Variants in SGMS2 observed in about 807,000 individuals in gnomAD.
SGMS2 encodes the protein sphingomyelin synthase 2.
SGMS2 carries 21 observed loss-of-function variants against 43.8 expected under a neutral mutation model. The ratio of observed to expected loss-of-function variants is 0.48; its 90% CI spans 0.34 to 0.69. SGMS2 has a LOEUF of 0.69. Ranked by LOEUF, SGMS2 falls within the 30% of genes least tolerant of loss-of-function variation. The pLI, the probability that SGMS2 is intolerant of heterozygous loss-of-function variation, is 0.01. For missense variants in SGMS2, 384 were observed against 443.2 expected, an observed-to-expected ratio of 0.87 and a Z score of 1.20; for synonymous variants, 167 against 160.6, an observed-to-expected ratio of 1.04 and a Z score of -0.30.
intron 1 of SGMS2, among the ~76,000 whole-genome samples, chr4:107,836,044 A>G (rs1335585784): frequency 1.3e-5 from 2 of 152,238 alleles, no homozygotes; most frequent in Non-Finnish European, 2.9e-5. Context: ...TATTTAGCCT[A>G]GTATACCAAA....
At chr4:107,904,384 A>G (rs1369253916) in intron 5 of SGMS2, among the ~76,000 whole-genome samples, 1 of 152,092 alleles carries the variant, frequency 6.6e-6, no homozygotes, top group Non-Finnish European at 1.5e-5. Context: ...CCCTTTGTTC[A>G]TCCAAATAGA....
chr4:107,900,181 T>A (rs1360869772), intron 4 of SGMS2, among the ~76,000 whole-genome samples: 1 of 152,070 alleles, frequency 6.6e-6, no homozygotes, highest in African/African-American at 2.4e-5. Flanking sequence ...CTATTTGATA[T>A]AGAGGTCAGG....
intron 1 of SGMS2, among the ~76,000 whole-genome samples, chr4:107,854,281 G>C (rs1452533657): frequency 6.6e-6 from 1 of 152,126 alleles, no homozygotes; most frequent in Non-Finnish European, 1.5e-5. Flanking sequence ...TCTAGCTAAG[G>C]TTTGCACCGT....
intron 1 of SGMS2, among the ~76,000 whole-genome samples, chr4:107,858,010 A>ACCCCCCCC (rs111601025): frequency 8.0e-6 from 1 of 124,826 alleles, no homozygotes; most frequent in African/African-American, 2.9e-5. Flanking sequence ...TAGCTGCCCC[A>ACCCCCCCC]CCCCCCCCAT....
intron 1 of SGMS2, among the ~76,000 whole-genome samples, chr4:107,838,676 C>T (rs1010692310): frequency 6.6e-6 from 1 of 151,850 alleles, no homozygotes; most frequent in Non-Finnish European, 1.5e-5. Flanking sequence ...TATTGTATTT[C>T]TTCTAGACAG....
In SGMS2 at chr4:107,913,803, G is replaced by A. The variant is rs1732273084; in HGVS notation, c.*3250G>A. On this transcript the variant is annotated 3_prime_UTR_variant, in exon 7 of 7. Transcript: ENST00000690982. ...TTGTTTACTTTGAAACACCAAATTT[G>A]TTGTCTTGGTTTTTTTTACATGACA... 2 of 151,998 alleles carry A rather than the reference G, an allele frequency of 1.3e-5. No individual in the cohort carries two copies. Among genetic ancestry groups the A allele is most frequent in the Non-Finnish European group, 2.9e-5 (2 of 67,968 alleles). The allele number at this position is 151,998 out of a possible 1,614,324, so 9.4% of individuals were successfully genotyped here.
At chr4:107,903,148 G>A in intron 4 of SGMS2, 85 bp from the exon 5 acceptor site, 3 of 1,311,352 alleles carry the variant, frequency 2.3e-6, no homozygotes, top group East Asian at 4.6e-5. Context: ...ACAACCTGGT[G>A]TCCTTTCTAA....
intron 2 of SGMS2, among the ~76,000 whole-genome samples, chr4:107,894,791 C>A (rs769981979): frequency 5.3e-5 from 8 of 152,076 alleles, no homozygotes; most frequent in Non-Finnish European, 8.8e-5. Context: ...TTCTTAAAAG[C>A]GGTCACTTAA....
chr4:107,860,244 C>T (rs1727649767), intron 2 of SGMS2, among the ~76,000 whole-genome samples: 1 of 151,896 alleles, frequency 6.6e-6, no homozygotes, highest in Admixed American at 6.6e-5. Context: ...ACTTAATAAG[C>T]TAGTACTAAG....
At position 107,899,578 on chromosome 4, in the gene SGMS2, A is replaced by T; in HGVS notation, c.459A>T (p.Ser153=). 1 of 1,607,110 alleles carries T rather than the reference A, an allele frequency of 6.2e-7. No individual in the cohort carries two copies. Among genetic ancestry groups the T allele is most frequent in the Admixed American group, 1.7e-5 (1 of 58,548 alleles). The part of the protein sequence containing the change: ...ITQWLFLRYK[S]IVGRRFCFII... ...CCATCCCTATTTTTTCTTTTAGGTC[A>T]ATAGTGGGACGCAGATTCTGTTTTA... The change falls in exon 4 of 7, where the codon TCA becomes TCT. Residue 153 remains serine (S), a synonymous_variant. Transcript: ENST00000690982.
At chr4:107,897,008 G>T (rs1319171716) in intron 3 of SGMS2, among the ~76,000 whole-genome samples, 1 of 152,166 alleles carries the variant, frequency 6.6e-6, no homozygotes, top group Non-Finnish European at 1.5e-5. Context: ...AGTCAAATAG[G>T]ATTTCAGTAT....
intron 2 of SGMS2, among the ~76,000 whole-genome samples, chr4:107,885,983 A>C (rs1239044623): frequency 6.6e-6 from 1 of 152,208 alleles, no homozygotes; most frequent in Non-Finnish European, 1.5e-5. Context: ...ATAAAGCTAT[A>C]CTATATTCAT....
chr4:107,835,638 A>G (rs1052053182), intron 1 of SGMS2, among the ~76,000 whole-genome samples: 10 of 152,186 alleles, frequency 6.6e-5, no homozygotes, highest in Admixed American at 4.6e-4. Context: ...ATTCTTGGTT[A>G]ATAGTTTGCT....
upstream of SGMS2, chr4:107,824,598 C>G (rs1011143279): frequency 6.6e-5 from 10 of 152,354 alleles, no homozygotes; most frequent in African/African-American, 2.4e-4. Flanking sequence ...GAGGTCAGCT[C>G]CAGGCCCTCA....
At position 107,896,007 on chromosome 4, in the gene SGMS2, A is replaced by G. The variant is rs1280951848; in HGVS notation, c.454A>G (p.Lys152Glu). The G allele has an allele frequency of 6.2e-7, 1 of 1,605,902 alleles. No individual in the cohort carries two copies. The highest frequency in any genetic ancestry group is 2.2e-5 in the East Asian group (1 of 44,680). Residue 152 changes from lysine to glutamate, a missense_variant and splice_region_variant, in exon 3 of 7, where the codon AAG becomes GAG. Lys to Glu is a moderately conservative substitution (Grantham distance 56). Coordinates refer to ENST00000690982, the MANE Select transcript of SGMS2 (RefSeq NM_001375905.1). ...WITQWLFLRY[K>E]SIVGRRFCFI... Reference sequence around the variant, plus strand: ...CACCCAGTGGCTGTTTCTGAGATACAAGTAAGTAAATCTAATGTTTTGAGG... The same window carrying G: ...CACCCAGTGGCTGTTTCTGAGATACGAGTAAGTAAATCTAATGTTTTGAGG...
intron 1 of SGMS2, among the ~76,000 whole-genome samples, chr4:107,827,543 T>C (rs1035346776): frequency 1.3e-5 from 2 of 152,192 alleles, no homozygotes; most frequent in African/African-American, 4.8e-5. Flanking sequence ...TCGTAAATTC[T>C]TTATGAGGCC....
rs141609725 is a variant in SGMS2, at chr4:107,853,070, T to C, written c.-326-5402T>C. ...TATTTAATTTTTACTGTTATGATAT[T>C]ATATGACCTTCTTGTCATCGCTCAT... is the stretch of plus-strand genomic sequence containing the variant. On this transcript the variant is annotated intron_variant, in intron 1 of 6. Transcript: ENST00000690982. Among the ~76,000 whole-genome samples the C allele has an allele frequency of 4.4e-3, 664 of 152,350 alleles. 3 individuals are homozygous for C. The highest frequency in any genetic ancestry group is 7.5e-3 in the Non-Finnish European group (510 of 68,038).
At chr4:107,858,773 A>G (rs182519364) in intron 2 of SGMS2, among the ~76,000 whole-genome samples, 1 of 152,292 alleles carries the variant, frequency 6.6e-6, no homozygotes, top group East Asian at 1.9e-4. Flanking sequence ...AAGTTCTTTC[A>G]GGTGAATGGA....
At chr4:107,847,685 G>T (rs1726911710) in intron 1 of SGMS2, among the ~76,000 whole-genome samples, 1 of 152,078 alleles carries the variant, frequency 6.6e-6, no homozygotes, top group Non-Finnish European at 1.5e-5. Context: ...CACGTAATTG[G>T]AGTATTTCTT....
Sources: gnomAD v4.1 joint callset for allele counts (sites outside exome capture counted in the v4.1 genomes callset) on GRCh38, gnomAD v4.1.1 for gene constraint, MANE v1.5 for transcripts, NCBI Gene and HGNC (gene_info 2026-07-23, HGNC 2026-07-21) for gene names.